The following CCDC178 variants were observed in gnomAD, a reference collection of about 807,000 sequenced individuals.
CCDC178 encodes coiled-coil domain containing 178.
A neutral mutation model predicts 117.4 loss-of-function variants in CCDC178; 126 were observed. That is an observed-to-expected ratio of 1.07 (90% CI 0.93 to 1.24). CCDC178 has a LOEUF of 1.24. Among genes scored for constraint, CCDC178 ranks in the 50% most tolerant of loss-of-function variants. The pLI, the probability that CCDC178 is intolerant of heterozygous loss-of-function variation, is 0.00. For synonymous variants in CCDC178, 283 were observed against 313.4 expected (o/e 0.90, Z 1.02); for missense variants, 1,030 against 986.9 (o/e 1.04, Z -0.59).
At chr18:33,018,321 G>A (rs191052071) in intron 21 of CCDC178, among the ~76,000 whole-genome samples, 92 of 152,132 alleles carry the variant, frequency 6.0e-4, no homozygotes, top group African/African-American at 2.1e-3. Flanking sequence ...TGGAGAAAGT[G>A]GAACTGTTAT....
intron 21 of CCDC178, among the ~76,000 whole-genome samples, chr18:33,027,987 C>T (rs2056261472): frequency 6.6e-6 from 1 of 151,660 alleles, no homozygotes; most frequent in South Asian, 2.1e-4. Context: ...AAGAATATTA[C>T]ATTTATACTT....
intron 21 of CCDC178, among the ~76,000 whole-genome samples, chr18:33,020,308 T>C (rs1348736042): frequency 6.6e-6 from 1 of 152,022 alleles, no homozygotes; most frequent in East Asian, 1.9e-4. Context: ...GTTGTGTTGT[T>C]CTCCGTTAAA....
At position 33,261,259 on chromosome 18, in the gene CCDC178, A is replaced by G. The variant is rs1005014818; in HGVS notation, c.1409+5657T>C. On this transcript the variant is annotated intron_variant, in intron 14 of 22. Coordinates refer to ENST00000383096, the MANE Select transcript of CCDC178 (RefSeq NM_001105528.4). ...CCACCACGCCCGGCTAATTTTTTGT[A>G]TTTTTAGTAGAGACGGGGTTTCACC... Among the ~76,000 whole-genome samples the G allele has an allele frequency of 3.9e-5, 6 of 152,046 alleles. No homozygotes were observed. In the East Asian group the frequency reaches 1.2e-3, roughly 30 times the overall value.
intron 2 of CCDC178, among the ~76,000 whole-genome samples, chr18:33,418,652 T>C (rs934038968): frequency 1.3e-5 from 2 of 151,002 alleles, no homozygotes; most frequent in Non-Finnish European, 2.9e-5. Context: ...AGTTTCAGGA[T>C]ACAAAATCAA....
chr18:33,160,820 C>T (rs1380524573), intron 20 of CCDC178, among the ~76,000 whole-genome samples: 1 of 152,050 alleles, frequency 6.6e-6, no homozygotes, highest in African/African-American at 2.4e-5. Context: ...CAAGCTTTGG[C>T]GAGTAACCAC....
At chr18:33,376,439 C>CT (rs1208137499) in intron 5 of CCDC178, among the ~76,000 whole-genome samples, 2 of 152,038 alleles carry the variant, frequency 1.3e-5, no homozygotes, top group Non-Finnish European at 2.9e-5. Flanking sequence ...TCTTGTTTTC[C>CT]TTTTTTATAA....
chr18:33,275,605 G>C (rs1448755498), intron 12 of CCDC178, among the ~76,000 whole-genome samples: 3 of 137,834 alleles, frequency 2.2e-5, no homozygotes, highest in African/African-American at 8.0e-5. Context: ...GGGAAGAAGG[G>C]AGGGAGGGAG....
chr18:32,937,669 A>G lies in CCDC178; in HGVS notation c.*342T>C, dbSNP rs747796681. 2.5e-5 allele frequency: 6 copies of G among 244,228 alleles called. No homozygotes were observed. Among genetic ancestry groups the G allele is most frequent in the Non-Finnish European group, 4.8e-5 (6 of 125,734 alleles). 15.1% of individuals were successfully genotyped at this position (244,228 alleles called of 1,614,324 possible). On this transcript the variant is annotated 3_prime_UTR_variant, in exon 23 of 23. Coordinates refer to ENST00000383096, the MANE Select transcript of CCDC178 (RefSeq NM_001105528.4). ...CTTTATTTGGGCCAAGACGATAGGG[A>G]AATCTGGGGAAGCGAACAGTCACTG...
intron 20 of CCDC178, among the ~76,000 whole-genome samples, chr18:33,155,579 G>GA (rs1232373212): frequency 2.0e-5 from 3 of 151,666 alleles, no homozygotes; most frequent in African/African-American, 4.8e-5. Flanking sequence ...TTTAAAATGA[G>GA]AAAAAAAGAA....
At chr18:33,299,857 A>G (rs1375850570) in intron 11 of CCDC178, among the ~76,000 whole-genome samples, 1 of 152,102 alleles carries the variant, frequency 6.6e-6, no homozygotes, top group Non-Finnish European at 1.5e-5. Context: ...GCTTGATATC[A>G]CTAATCATTA....
intron 22 of CCDC178, among the ~76,000 whole-genome samples, chr18:32,958,487 T>A (rs1257382450): frequency 6.6e-6 from 1 of 152,202 alleles, no homozygotes; most frequent in African/African-American, 2.4e-5. Flanking sequence ...ACACATTTAC[T>A]GGAGCTGTGT....
intron 6 of CCDC178, among the ~76,000 whole-genome samples, chr18:33,358,610 T>C (rs887744978): frequency 2.0e-5 from 3 of 151,840 alleles, no homozygotes; most frequent in Non-Finnish European, 2.9e-5. Flanking sequence ...ATCAATTCCA[T>C]TCATATGCAA....
intron 22 of CCDC178, among the ~76,000 whole-genome samples, chr18:32,953,599 A>C (rs1450878869): frequency 6.6e-6 from 1 of 152,230 alleles, no homozygotes; most frequent in Non-Finnish European, 1.5e-5. Context: ...TTTGACACTC[A>C]AAAAGTAGTT....
intron 21 of CCDC178, among the ~76,000 whole-genome samples, chr18:33,001,451 T>G (rs1373786598): frequency 6.6e-6 from 1 of 151,964 alleles, no homozygotes; most frequent in Non-Finnish European, 1.5e-5. Flanking sequence ...AGGCAGAGTT[T>G]GCAGTGAGCC....
At chr18:33,030,311 C>A (rs566059094) in intron 21 of CCDC178, among the ~76,000 whole-genome samples, 1 of 152,118 alleles carries the variant, frequency 6.6e-6, no homozygotes, top group East Asian at 1.9e-4. Flanking sequence ...TATAATACAT[C>A]ATTTTTCCAT....
intron 20 of CCDC178, among the ~76,000 whole-genome samples, chr18:33,126,335 G>A (rs572166997): frequency 1.3e-5 from 2 of 149,058 alleles, no homozygotes; most frequent in African/African-American, 2.4e-5. Context: ...TTGTGTATAT[G>A]TGTATATATT....
intron 2 of CCDC178, among the ~76,000 whole-genome samples, chr18:33,418,592 C>T (rs1014907101): frequency 1.3e-5 from 2 of 151,514 alleles, no homozygotes; most frequent in Non-Finnish European, 2.9e-5. Flanking sequence ...AAAAAAAAAC[C>T]GATAGTCTCT....
intron 20 of CCDC178, among the ~76,000 whole-genome samples, chr18:33,139,696 C>A (rs900197327): frequency 6.6e-6 from 1 of 152,124 alleles, no homozygotes; most frequent in Non-Finnish European, 1.5e-5. Context: ...TAAAGGCATT[C>A]AGTTTTATAA....
At chr18:32,998,985 C>T (rs188279536) in intron 21 of CCDC178, among the ~76,000 whole-genome samples, 2 of 152,180 alleles carry the variant, frequency 1.3e-5, no homozygotes, top group African/African-American at 4.8e-5. Flanking sequence ...TGTCTCACAG[C>T]TTAGGTAGCA....
Sources: allele counts gnomAD v4.1 joint callset (sites outside exome capture counted in the v4.1 genomes callset), GRCh38; gene constraint gnomAD v4.1.1; transcripts MANE v1.5; gene names NCBI Gene and HGNC (gene_info 2026-07-23, HGNC 2026-07-21).